The following SHISA4 variants were observed in gnomAD, a reference collection of about 807,000 sequenced individuals.
The protein encoded by SHISA4 is protein shisa-4.
Under a neutral mutation model 24.2 loss-of-function variants are expected in SHISA4, and 16 were observed. That is an observed-to-expected ratio of 0.66 (90% CI 0.45 to 1.00). The LOEUF (loss-of-function observed/expected upper bound fraction) is 1.00. Among genes scored for constraint, SHISA4 ranks in the 50% least tolerant of loss-of-function variants. The probability of loss-of-function intolerance (pLI) is 0.00; values close to 1 mark genes in which losing one functional copy is unlikely to be tolerated. For synonymous variants in SHISA4, 106 were observed against 105.4 expected, an observed-to-expected ratio of 1.01 and a Z score of -0.04; for missense variants, 238 against 258.9, an observed-to-expected ratio of 0.92 and a Z score of 0.55.
chr1:201,891,266 G>T, intron 3 of SHISA4, 135 bp from the exon 4 acceptor site: 1 of 988,432 alleles, frequency 1.0e-6, no homozygotes. Context: ...CAAGCAGGGT[G>T]TGGGAGGCAA....
At chr1:201,890,608 G>C in intron 3 of SHISA4, 21 bp downstream of exon 3, 1 of 1,613,198 alleles carries the variant, frequency 6.2e-7, no homozygotes, top group African/African-American at 1.3e-5. Flanking sequence ...TACTGGGCAA[G>C]AAGGGCCTCA....
intron 3 of SHISA4, among the ~76,000 whole-genome samples, chr1:201,890,836 G>A (rs1212506991): frequency 1.3e-5 from 2 of 152,254 alleles, no homozygotes; most frequent in Non-Finnish European, 2.9e-5. Flanking sequence ...GTGTACAGGA[G>A]TGCAGTCTGT....
chr1:201,891,775 C>T (rs770866244), intron 4 of SHISA4, 25 bp from the exon 5 acceptor site: 1 of 1,614,012 alleles, frequency 6.2e-7, no homozygotes, highest in South Asian at 1.1e-5. Flanking sequence ...ACCACTCACC[C>T]TCATCCTGTC....
rs1206805186 is a variant in SHISA4 at position 201,889,475 on chromosome 1, T to A, written c.104T>A (p.Leu35Gln). 11 of 1,613,676 alleles carry A rather than the reference T, an allele frequency of 6.8e-6. No individual in the cohort carries two copies. Among genetic ancestry groups the A allele is most frequent in the Non-Finnish European group, 9.3e-6 (11 of 1,180,032 alleles). Residue 35 changes from leucine (L) to glutamine (Q), a missense_variant, in exon 2 of 5, where the codon CTG (leucine) becomes CAG (glutamine). Physicochemically the swap from Leu to Gln is moderately radical, Grantham distance 113. Coordinates refer to ENST00000362011, the MANE Select transcript of SHISA4 (RefSeq NM_198149.3). ...VLAGEDCLWY[L>Q]DRNGSWHPGF... ...GCCGGCGAGGACTGCCTGTGGTACCTGGACCGGAATGGCTCCTGGCATCCG... is the reference window on the plus strand; with the variant it reads ...GCCGGCGAGGACTGCCTGTGGTACCAGGACCGGAATGGCTCCTGGCATCCG...
At chr1:201,891,702 A>T in intron 4 of SHISA4, 98 bp from the exon 5 acceptor site, 1 of 1,553,166 alleles carries the variant, frequency 6.4e-7, no homozygotes, top group Non-Finnish European at 8.9e-7. Context: ...CTCCAGGCCC[A>T]CTCTTCCCTA....
chr1:201,891,921 G>C lies in SHISA4; in HGVS notation c.*75G>C. On this transcript the variant is annotated 3_prime_UTR_variant, in exon 5 of 5. Transcript: ENST00000362011. ...ATGCCCTCATCCTGTACCTGCATCT[G>C]GTCCTGGGGGTGGCAGGAGTCCTCC... is the stretch of plus-strand genomic sequence containing the variant. 1 of 1,565,902 alleles carries C rather than the reference G, an allele frequency of 6.4e-7. No individual in the cohort carries two copies.
At position 201,892,032 on chromosome 1, in the gene SHISA4, T is replaced by A; in HGVS notation, c.*186T>A. 1 of 648,536 alleles carries A rather than the reference T, an allele frequency of 1.5e-6. No individual in the cohort carries two copies. The highest frequency in any genetic ancestry group is 2.7e-6 in the Non-Finnish European group (1 of 372,998). 40.2% of individuals were successfully genotyped at this position (648,536 alleles called of 1,614,324 possible). A position where few individuals can be genotyped will look rare whatever the true frequency, so the allele number is the denominator to read the frequency against. On this transcript the variant is annotated 3_prime_UTR_variant, in exon 5 of 5. Coordinates refer to ENST00000362011, the MANE Select transcript of SHISA4 (RefSeq NM_198149.3). The stretch of plus-strand genomic sequence containing the variant: ...AGTGGAACAGGAGCTGAACTAGAAC[T>A]ATGAGGGGTTGGGGGGAGGGCTTGG...
In SHISA4 at chr1:201,890,983, T is replaced by C. The variant is rs1681085248; in HGVS notation, c.379+396T>C. 2.0e-5 allele frequency among the ~76,000 whole-genome samples: 3 copies of C among 152,170 alleles called. No individual in the cohort carries two copies. In the South Asian group the frequency reaches 6.2e-4, roughly 32 times the overall value. On this transcript the variant is annotated intron_variant, in intron 3 of 4. Coordinates refer to ENST00000362011, the MANE Select transcript of SHISA4 (RefSeq NM_198149.3). ...TATGTGCCTGAGTGTTGGCATGTGA[T>C]GCACATATGCCACAACCTGATGGAC... is the stretch of plus-strand genomic sequence containing the variant.
In SHISA4 at chr1:201,891,912, C is replaced by A. The variant is rs928353215; in HGVS notation, c.*66C>A. Reference sequence around the variant, plus strand: ...CCTTGGGAGATGCCCTCATCCTGTACCTGCATCTGGTCCTGGGGGTGGCAG... The same window carrying A: ...CCTTGGGAGATGCCCTCATCCTGTAACTGCATCTGGTCCTGGGGGTGGCAG... On this transcript the variant is annotated 3_prime_UTR_variant, in exon 5 of 5. Transcript: ENST00000362011. 5.1e-6 allele frequency: 8 copies of A among 1,582,546 alleles called. No homozygotes were observed. The highest frequency in any genetic ancestry group is 6.1e-6 in the Non-Finnish European group (7 of 1,151,860).
In SHISA4 at chr1:201,890,537, C is replaced by T. The variant is rs749763943; in HGVS notation, c.329C>T (p.Ser110Phe). The change falls in exon 3 of 5, where the codon TCC (serine) becomes TTC (phenylalanine). Residue 110 changes from serine to phenylalanine, a missense_variant. Coordinates refer to ENST00000362011, the MANE Select transcript of SHISA4 (RefSeq NM_198149.3). Reference protein sequence around the residue: ...VATTICCFLCSCCYLYRRRQQ... With the variant: ...VATTICCFLCFCCYLYRRRQQ... ...ACCACCATCTGCTGCTTCCTCTGTT[C>T]CTGTTGCTACCTGTACCGCCGGCGC... is the stretch of plus-strand genomic sequence containing the variant. 3 of 1,614,140 alleles carry T rather than the reference C, an allele frequency of 1.9e-6. No individual in the cohort carries two copies. The African/African-American group carries it at 4.0e-5, about 22-fold the overall frequency.
Position 201,891,888 on chromosome 1 carries a change from C to G in SHISA4, c.*42C>G, listed in dbSNP as rs2279681. On this transcript the variant is annotated 3_prime_UTR_variant, in exon 5 of 5. Transcript: ENST00000362011. ...CTGCTGCCCCTTCAGTGATGCCAAC[C>G]TTGGGAGATGCCCTCATCCTGTACC... is the stretch of plus-strand genomic sequence containing the variant. 540,075 of 1,608,790 alleles carry G rather than the reference C, an allele frequency of 0.34. 92,020 individuals carry two copies. The highest frequency in any genetic ancestry group is 0.4 in the East Asian group (17,857 of 44,806).
In SHISA4 at chr1:201,892,107, G is replaced by T; in HGVS notation, c.*261G>T. On this transcript the variant is annotated 3_prime_UTR_variant, in exon 5 of 5. Coordinates refer to ENST00000362011, the MANE Select transcript of SHISA4 (RefSeq NM_198149.3). ...GCAAGGGAGGGAGATGACAGCCTGGGTCACAGTGCCTGTTTTCAAATAGTC... is the reference window on the plus strand; with the variant it reads ...GCAAGGGAGGGAGATGACAGCCTGGTTCACAGTGCCTGTTTTCAAATAGTC... The T allele has an allele frequency of 2.1e-6, 1 of 482,622 alleles. No homozygotes were observed. The highest frequency in any genetic ancestry group is 3.7e-6 in the Non-Finnish European group (1 of 268,230). 29.9% of individuals were successfully genotyped at this position (482,622 alleles called of 1,614,324 possible).
chr1:201,889,728 G>C (rs1180228776), intron 2 of SHISA4, 112 bp downstream of exon 2: 2 of 1,266,118 alleles, frequency 1.6e-6, no homozygotes, highest in Non-Finnish European at 2.2e-6. Flanking sequence ...CACATTCTTA[G>C]CTGAATAGAG....
chr1:201,890,408 G>A (rs375322385), intron 2 of SHISA4, 46 bp from the exon 3 acceptor site: 30 of 1,607,986 alleles, frequency 1.9e-5, no homozygotes, highest in Middle Eastern at 1.7e-4. Flanking sequence ...TGAGGACTCC[G>A]TCCTATGAGT....
chr1:201,890,123 C>T (rs1014703181), intron 2 of SHISA4, among the ~76,000 whole-genome samples: 3 of 151,948 alleles, frequency 2.0e-5, no homozygotes, highest in African/African-American at 7.3e-5. Flanking sequence ...CTGATTGAAG[C>T]GGGGTTTGGA....
At chr1:201,890,386 G>T in intron 2 of SHISA4, 68 bp from the exon 3 acceptor site, 1 of 1,576,168 alleles carries the variant, frequency 6.3e-7, no homozygotes, top group Non-Finnish European at 8.6e-7. Context: ...CCAGGAGTTG[G>T]AGCCAGCATA....
At chr1:201,891,036 T>A (rs1303276322) in intron 3 of SHISA4, among the ~76,000 whole-genome samples, 1 of 151,986 alleles carries the variant, frequency 6.6e-6, no homozygotes, top group Non-Finnish European at 1.5e-5. Flanking sequence ...ATACGGGAGA[T>A]CAGTGTGGGA....
chr1:201,889,706 G>T, intron 2 of SHISA4, 90 bp downstream of exon 2: 4 of 1,449,788 alleles, frequency 2.8e-6, no homozygotes, highest in Non-Finnish European at 3.8e-6. Flanking sequence ...TGCCTCCTCC[G>T]TTGTCGACCT....
Position 201,890,505 on chromosome 1 carries a change from G to C in SHISA4, c.297G>C (p.Val99=). The C allele has an allele frequency of 2.5e-6, 4 of 1,614,238 alleles. No individual in the cohort carries two copies. Among genetic ancestry groups the C allele is most frequent in the Non-Finnish European group, 2.5e-6 (3 of 1,180,050 alleles). Residue 99 remains valine, a synonymous_variant, in exon 3 of 5, where the codon GTG becomes GTC. Coordinates refer to ENST00000362011, the MANE Select transcript of SHISA4 (RefSeq NM_198149.3). ...IASAVILFVA[V]VATTICCFLC... is the part of the protein sequence containing the mutation. ...CAGCTGTGATCCTCTTTGTTGCTGT[G>C]GTTGCCACCACCATCTGCTGCTTCC...
Sources: gnomAD v4.1 joint callset for allele counts (sites outside exome capture counted in the v4.1 genomes callset) on GRCh38, gnomAD v4.1.1 for gene constraint, MANE v1.5 for transcripts, NCBI Gene and HGNC (gene_info 2026-07-23, HGNC 2026-07-21) for gene names.